MYO10: variants seen among roughly 807,000 people sequenced by gnomAD.
MYO10 encodes the protein unconventional myosin-X.
MYO10 carries 133 observed loss-of-function variants against 257.3 expected under a neutral mutation model. The observed-to-expected ratio is 0.52, with a 90% CI of 0.45 to 0.60. The LOEUF (loss-of-function observed/expected upper bound fraction) is 0.60, where lower values mean the gene tolerates loss of function less well. MYO10 is among the 20% of genes least tolerant of loss of function. MYO10 has a pLI of 0.00. For synonymous variants in MYO10, 1,104 were observed against 1,028.6 expected, an observed-to-expected ratio of 1.07 and a Z score of -1.40; for missense variants, 2,399 against 2,635.7, an observed-to-expected ratio of 0.91 and a Z score of 1.97.
In MYO10 at chr5:16,779,527, C is replaced by T. The variant is rs775904921; in HGVS notation, c.930+18G>A. 4.9e-6 allele frequency: 7 copies of T among 1,436,800 alleles called. No individual in the cohort carries two copies. Among genetic ancestry groups the T allele is most frequent in the Non-Finnish European group, 5.7e-6 (6 of 1,053,388 alleles). The allele number at this position is 1,436,800 out of a possible 1,614,324, so 89.0% of individuals were successfully genotyped here. A position where few individuals can be genotyped will look rare whatever the true frequency, so the allele number is the denominator to read the frequency against. On this transcript the variant is annotated intron_variant, in intron 9 of 40. Coordinates refer to ENST00000513610, the MANE Select transcript of MYO10 (RefSeq NM_012334.3). ...GTATCTGATATCTTAATAGGGAAAA[C>T]ATTTAAAAGTAACTTACAATAACTT... is the stretch of plus-strand genomic sequence containing the variant.
At chr5:16,700,903 C>T (rs1327320547) in intron 25 of MYO10, 60 bp downstream of exon 25, 1 of 1,474,896 alleles carries the variant, frequency 6.8e-7, no homozygotes. Context: ...CTTGAGGATG[C>T]AACAGGGGTG....
chr5:16,847,210 T>A (rs967104490), intron 2 of MYO10, among the ~76,000 whole-genome samples: 2 of 151,928 alleles, frequency 1.3e-5, no homozygotes, highest in African/African-American at 4.8e-5. Context: ...GGCAGGTAGA[T>A]CACGAGGTTA....
At chr5:16,744,978 T>A (rs138569650) in intron 19 of MYO10, among the ~76,000 whole-genome samples, 2,247 of 152,288 alleles carry the variant, frequency 0.015, 59 homozygotes, top group African/African-American at 0.051. Flanking sequence ...TTCACATTAA[T>A]CTCAAATGGC....
rs766091541 is a variant in MYO10 at position 16,840,516 on chromosome 5, C to T, written c.121-22349G>A. On this transcript the variant is annotated intron_variant, in intron 2 of 40. Coordinates refer to ENST00000513610, the MANE Select transcript of MYO10 (RefSeq NM_012334.3). ...CTTTGCACATGTCACTAGCAAAACA[C>T]GATCCTTTCCATTCTAAGAAGCCCT... Among the ~76,000 whole-genome samples, 3 of 151,966 alleles carry T rather than the reference C, an allele frequency of 2.0e-5. 1 individual carries two copies. The highest frequency in any genetic ancestry group is 4.1e-4 in the South Asian group (2 of 4,820).
In MYO10 at chr5:16,666,552, G is replaced by C; in HGVS notation, c.*140C>G. 1.5e-6 allele frequency: 1 copy of C among 647,286 alleles called. No homozygotes were observed. Among genetic ancestry groups the C allele is most frequent in the Non-Finnish European group, 2.6e-6 (1 of 382,998 alleles). The allele number at this position is 647,286 out of a possible 1,614,324, so 40.1% of individuals were successfully genotyped here. On this transcript the variant is annotated 3_prime_UTR_variant, in exon 41 of 41. Coordinates refer to ENST00000513610, the MANE Select transcript of MYO10 (RefSeq NM_012334.3). The stretch of plus-strand genomic sequence containing the variant: ...GGCGGCAGGCAAAAGGATCCTCGGA[G>C]ACACCTCCCTCAGACCAGAAGCTTC...
At chr5:16,925,033 G>A (rs1039208418) in intron 1 of MYO10, among the ~76,000 whole-genome samples, 11 of 152,012 alleles carry the variant, frequency 7.2e-5, no homozygotes, top group Admixed American at 3.3e-4. Context: ...GGTTTTCACC[G>A]TGTTAGTCAG....
chr5:16,781,292 C>T (rs1741415726), intron 6 of MYO10, among the ~76,000 whole-genome samples: 1 of 152,114 alleles, frequency 6.6e-6, no homozygotes, highest in Non-Finnish European at 1.5e-5. Flanking sequence ...GTTGGCCGGG[C>T]TGGTCTCAAA....
intron 2 of MYO10, among the ~76,000 whole-genome samples, chr5:16,872,816 G>T (rs1478398050): frequency 1.3e-5 from 2 of 152,180 alleles, no homozygotes; most frequent in African/African-American, 4.8e-5. Context: ...CAGATCTTGT[G>T]AGACTTTTTC....
intron 2 of MYO10, among the ~76,000 whole-genome samples, chr5:16,823,639 T>A (rs1163003811): frequency 2.1e-5 from 3 of 145,722 alleles, no homozygotes; most frequent in African/African-American, 4.9e-5. Flanking sequence ...GCCCAGCTCA[T>A]TTTTTTTGTA....
intron 2 of MYO10, among the ~76,000 whole-genome samples, chr5:16,868,751 G>A (rs576147414): frequency 6.6e-6 from 1 of 152,206 alleles, no homozygotes; most frequent in Non-Finnish European, 1.5e-5. Context: ...TTTCAATAAA[G>A]TGTGAAAGAG....
At chr5:16,921,185 T>C (rs190210285) in intron 1 of MYO10, among the ~76,000 whole-genome samples, 2 of 151,872 alleles carry the variant, frequency 1.3e-5, no homozygotes, top group East Asian at 3.9e-4. Context: ...CCATCCAAGA[T>C]ATATGTGGGA....
chr5:16,711,505 C>T (rs559544897), intron 19 of MYO10, among the ~76,000 whole-genome samples: 5 of 152,312 alleles, frequency 3.3e-5, no homozygotes, highest in South Asian at 4.1e-4. Context: ...AAATCCCAGC[C>T]GGGCACGGTG....
At chr5:16,826,051 G>C (rs1742990146) in intron 2 of MYO10, among the ~76,000 whole-genome samples, 1 of 151,990 alleles carries the variant, frequency 6.6e-6, no homozygotes, top group Non-Finnish European at 1.5e-5. Context: ...GGGAGGCAGA[G>C]GCAAAAGAAT....
Position 16,936,169 on chromosome 5 carries a change from C to A in MYO10, c.-361G>T. 3.3e-6 allele frequency: 1 copy of A among 302,058 alleles called. No individual in the cohort carries two copies. Among genetic ancestry groups the A allele is most frequent in the South Asian group, 4.1e-5 (1 of 24,170 alleles). 18.7% of individuals were successfully genotyped at this position (302,058 alleles called of 1,614,324 possible). ...CCTCCCTCTGCGCTCCGGCCGGGGG[C>A]CCTCGGGGCGGGCAGGAGGACAGCG... On this transcript the variant is annotated 5_prime_UTR_variant, in exon 1 of 41. Coordinates refer to ENST00000513610, the MANE Select transcript of MYO10 (RefSeq NM_012334.3).
At chr5:16,902,307 G>A in intron 1 of MYO10, 1 of 830,516 alleles carries the variant, frequency 1.2e-6, no homozygotes, top group South Asian at 1.3e-5. Flanking sequence ...CATGGGCTTT[G>A]GTAGGGGACA....
At chr5:16,858,324 G>T (rs1191741893) in intron 2 of MYO10, among the ~76,000 whole-genome samples, 1 of 151,922 alleles carries the variant, frequency 6.6e-6, no homozygotes, top group African/African-American at 2.4e-5. Flanking sequence ...TGCTGCCCCT[G>T]TTCAGTCGCA....
chr5:16,758,980 G>A (rs988154887), intron 17 of MYO10, among the ~76,000 whole-genome samples: 1 of 151,814 alleles, frequency 6.6e-6, no homozygotes, highest in African/African-American at 2.4e-5. Context: ...GGAGTGCAGT[G>A]GTGCGATCTC....
intron 19 of MYO10, among the ~76,000 whole-genome samples, chr5:16,731,044 CTTTTTTTTTT>C (rs907400094): frequency 7.3e-6 from 1 of 136,958 alleles, no homozygotes; most frequent in Non-Finnish European, 1.6e-5. Flanking sequence ...TCAAAACACA[CTTTTTTTTTT>C]TTTTTTTTGG....
chr5:16,813,551 T>TAA (rs368633982), intron 3 of MYO10, among the ~76,000 whole-genome samples: 5 of 123,822 alleles, frequency 4.0e-5, no homozygotes, highest in African/African-American at 1.2e-4. Context: ...ACCCTGGCTC[T>TAA]AAAAAAAAAA....
Sources: allele counts gnomAD v4.1 joint callset (sites outside exome capture counted in the v4.1 genomes callset), GRCh38; gene constraint gnomAD v4.1.1; transcripts MANE v1.5; gene names NCBI Gene and HGNC (gene_info 2026-07-23, HGNC 2026-07-21).